TVP23A: variants seen among roughly 807,000 people sequenced by gnomAD.
The protein encoded by TVP23A is trans-golgi network vesicle protein 23 homolog A, also known as Golgi apparatus membrane protein TVP23 homolog A.
In TVP23A, 21 loss-of-function variants were observed where a neutral mutation model predicts 31.7. That is an observed-to-expected ratio of 0.66 (90% CI 0.47 to 0.95). TVP23A has a LOEUF of 0.95. TVP23A is among the 40% of genes least tolerant of loss of function. The pLI is 0.00. For missense variants in TVP23A, 279 were observed against 255.6 expected, an observed-to-expected ratio of 1.09 and a Z score of -0.62; for synonymous variants, 104 against 96.0, an observed-to-expected ratio of 1.08 and a Z score of -0.49.
chr16:10,786,916 G>A (rs1165266512), intron 2 of TVP23A, among the ~76,000 whole-genome samples: 1 of 151,452 alleles, frequency 6.6e-6, no homozygotes, highest in African/African-American at 2.4e-5. Context: ...TGGGTACCTA[G>A]ATGGCCCAGC....
In TVP23A at chr16:10,818,056, A is replaced by T. The variant is rs75237101; in HGVS notation, c.89+47T>A. The T allele has an allele frequency of 6.8e-3, 10,142 of 1,486,898 alleles. 576 individuals are homozygous for T. In the African/African-American group the frequency reaches 0.12, roughly 18 times the overall value. 92.1% of individuals were successfully genotyped at this position (1,486,898 alleles called of 1,614,324 possible). ...AATGAATGAGTGAGTAAATGAATGA[A>T]TTTGCAGCTTTGGGGAACGCCTGAC... On this transcript the variant is annotated intron_variant, in intron 2 of 7. Coordinates refer to ENST00000299866, the MANE Select transcript of TVP23A (RefSeq NM_001079512.4). The surrounding 1 kb of genome is among the most constrained non-coding windows in gnomAD (Gnocchi z 4.7).
chr16:10,809,787 G>T (rs4780998), intron 2 of TVP23A, among the ~76,000 whole-genome samples: 1 of 152,018 alleles, frequency 6.6e-6, no homozygotes, highest in African/African-American at 2.4e-5. Flanking sequence ...GCATCCCAAG[G>T]CAGCTGGAAA....
chr16:10,818,267 C>G lies in TVP23A; in HGVS notation c.10-85G>C. 1 of 1,147,700 alleles carries G rather than the reference C, an allele frequency of 8.7e-7. No homozygotes were observed. The highest frequency in any genetic ancestry group is 2.1e-5 in the Admixed American group (1 of 47,590). The allele number at this position is 1,147,700 out of a possible 1,614,324, so 71.1% of individuals were successfully genotyped here. ...CGCCCTGTCCTCCTGGGCTTGGACT[C>G]CACTTGCACCCCACCGGGTTCCCAA... On this transcript the variant is annotated intron_variant, in intron 1 of 7. Transcript: ENST00000299866. The surrounding 1 kb of genome is among the most constrained non-coding windows in gnomAD (Gnocchi z 4.7).
intron 2 of TVP23A, among the ~76,000 whole-genome samples, chr16:10,781,138 G>A (rs2032396939): frequency 6.6e-6 from 1 of 151,964 alleles, no homozygotes; most frequent in South Asian, 2.1e-4. Context: ...AGACCAGCCT[G>A]GACAACATGA....
At chr16:10,783,561 A>T (rs7190242) in intron 2 of TVP23A, among the ~76,000 whole-genome samples, 5,906 of 152,192 alleles carry the variant, frequency 0.039, 367 homozygotes, top group African/African-American at 0.14. Flanking sequence ...CTGTAGTCCC[A>T]GCTGCCGGAG....
At chr16:10,803,065 C>G (rs1049321533) in intron 2 of TVP23A, among the ~76,000 whole-genome samples, 3 of 152,156 alleles carry the variant, frequency 2.0e-5, no homozygotes, top group Non-Finnish European at 4.4e-5. Flanking sequence ...GGATGGATCA[C>G]CTGAGGTCAG....
Position 10,818,358 on chromosome 16 carries a change from C to T in TVP23A, c.9+127G>A, listed in dbSNP as rs990995681. ...CAGTGCAAAGCCCTCTCCACCCTCC[C>T]GACCACCGGGTGCAGCCCAGCCCCA... On this transcript the variant is annotated intron_variant, in intron 1 of 7. Coordinates refer to ENST00000299866, the MANE Select transcript of TVP23A (RefSeq NM_001079512.4). The surrounding 1 kb of genome is among the most constrained non-coding windows in gnomAD (Gnocchi z 4.7). 1.4e-6 allele frequency: 2 copies of T among 1,443,128 alleles called. No individual in the cohort carries two copies. Among genetic ancestry groups the T allele is most frequent in the Admixed American group, 2.0e-5 (1 of 50,184 alleles). The allele number at this position is 1,443,128 out of a possible 1,614,324, so 89.4% of individuals were successfully genotyped here.
intron 2 of TVP23A, among the ~76,000 whole-genome samples, chr16:10,812,100 T>C (rs370547261): frequency 1.2e-4 from 19 of 152,038 alleles, no homozygotes; most frequent in African/African-American, 4.1e-4. Context: ...GAGACTTGAA[T>C]AGACATTTCT....
intron 2 of TVP23A, among the ~76,000 whole-genome samples, chr16:10,790,426 A>C (rs1256703412): frequency 6.6e-6 from 1 of 151,832 alleles, no homozygotes; most frequent in Non-Finnish European, 1.5e-5. Flanking sequence ...CTGGGACTAC[A>C]GGCGCCCGCC....
downstream of TVP23A, among the ~76,000 whole-genome samples, chr16:10,765,362 C>G (rs569664611): frequency 1.3e-5 from 2 of 148,344 alleles, no homozygotes; most frequent in African/African-American, 4.9e-5. This position sits in a 1 kb window ranked among gnomAD's most constrained non-coding sequence, Gnocchi z 4.0. Flanking sequence ...AAAAAATTCA[C>G]CCAGTGTGGT....
chr16:10,788,972 C>T (rs2032936562), intron 2 of TVP23A, among the ~76,000 whole-genome samples: 1 of 152,152 alleles, frequency 6.6e-6, no homozygotes, highest in Non-Finnish European at 1.5e-5. Context: ...CCTCTTGTGG[C>T]TTTCCACAAC....
At position 10,777,952 on chromosome 16, in the gene TVP23A, A is replaced by G. The variant is rs577197230; in HGVS notation, c.90-2856T>C. Among the ~76,000 whole-genome samples the G allele has an allele frequency of 1.3e-5, 2 of 152,094 alleles. No individual in the cohort carries two copies. Among genetic ancestry groups the G allele is most frequent in the Non-Finnish European group, 2.9e-5 (2 of 68,026 alleles). ...CTTGAATCTGGGAGGCGGAGGTTGC[A>G]GTGAGTTGAGATCGTACTACTGCAC... is the stretch of plus-strand genomic sequence containing the variant. On this transcript the variant is annotated intron_variant, in intron 2 of 7. Coordinates refer to ENST00000299866, the MANE Select transcript of TVP23A (RefSeq NM_001079512.4). This position sits in a 1 kb window ranked among gnomAD's most constrained non-coding sequence, Gnocchi z 4.5.
Position 10,768,811 on chromosome 16 carries a change from A to C in TVP23A, c.*291T>G. ...AGGGTAAGGAAACAGCATTCCCAGAATCCTCCATCTATAGATGGTCCGAGG... is the reference window on the plus strand; with the variant it reads ...AGGGTAAGGAAACAGCATTCCCAGACTCCTCCATCTATAGATGGTCCGAGG... On this transcript the variant is annotated 3_prime_UTR_variant, in exon 8 of 8. Transcript: ENST00000299866. The surrounding 1 kb of genome is among the most constrained non-coding windows in gnomAD (Gnocchi z 4.3). The C allele has an allele frequency of 4.6e-6, 2 of 434,380 alleles. No individual in the cohort carries two copies. Among genetic ancestry groups the C allele is most frequent in the Non-Finnish European group, 8.1e-6 (2 of 245,478 alleles). 26.9% of individuals were successfully genotyped at this position (434,380 alleles called of 1,614,324 possible). A position where few individuals can be genotyped will look rare whatever the true frequency, so the allele number is the denominator to read the frequency against.
intron 2 of TVP23A, among the ~76,000 whole-genome samples, chr16:10,780,477 C>G (rs947843808): frequency 3.3e-5 from 5 of 152,180 alleles, no homozygotes; most frequent in Non-Finnish European, 7.3e-5. Context: ...CACTGGCTCT[C>G]TCAGCTTTTA....
rs1213251883 is a variant in TVP23A at position 10,766,807 on chromosome 16, AC to A, written c.*2294del. On this transcript the variant is annotated 3_prime_UTR_variant, in exon 8 of 8. Coordinates refer to ENST00000299866, the MANE Select transcript of TVP23A (RefSeq NM_001079512.4). The surrounding 1 kb of genome is among the most constrained non-coding windows in gnomAD (Gnocchi z 4.8). ...TGTTTAAATACCCTCTACTTGAGGT[AC>A]GCCCTATATAAACGAAAAGGATGAA... is the stretch of plus-strand genomic sequence containing the variant. The A allele has an allele frequency of 7.5e-6, 3 of 397,436 alleles. No individual in the cohort carries two copies. The Admixed American group carries it at 1.3e-4, about 18-fold the overall frequency. 24.6% of individuals were successfully genotyped at this position (397,436 alleles called of 1,614,324 possible).
intron 2 of TVP23A, 80 bp from the exon 3 acceptor site, chr16:10,775,176 T>C: frequency 6.6e-7 from 1 of 1,519,740 alleles, no homozygotes; most frequent in Non-Finnish European, 8.8e-7. Context: ...CTTCAGACTT[T>C]GCTGGGGGTG....
Position 10,768,277 on chromosome 16 carries a change from G to T in TVP23A, c.*825C>A. On this transcript the variant is annotated 3_prime_UTR_variant, in exon 8 of 8. Coordinates refer to ENST00000299866, the MANE Select transcript of TVP23A (RefSeq NM_001079512.4). The surrounding 1 kb of genome is among the most constrained non-coding windows in gnomAD (Gnocchi z 4.3). ...CTTAGGAAATACATCCCAATAAAGGGATAAAGTAATTCATTTTTAAAAGTA... is the reference window on the plus strand; with the variant it reads ...CTTAGGAAATACATCCCAATAAAGGTATAAAGTAATTCATTTTTAAAAGTA... 2.8e-5 allele frequency: 8 copies of T among 282,226 alleles called. No homozygotes were observed. The highest frequency in any genetic ancestry group is 6.3e-5 in the East Asian group (1 of 15,836). 17.5% of individuals were successfully genotyped at this position (282,226 alleles called of 1,614,324 possible).
intron 2 of TVP23A, among the ~76,000 whole-genome samples, chr16:10,805,888 A>C (rs898664940): frequency 3.9e-5 from 6 of 152,116 alleles, no homozygotes; most frequent in African/African-American, 1.4e-4. Flanking sequence ...AGTGGTTCTC[A>C]AAGAGGTGGG....
At chr16:10,800,763 C>T (rs188324600) in intron 2 of TVP23A, among the ~76,000 whole-genome samples, 11 of 152,266 alleles carry the variant, frequency 7.2e-5, no homozygotes, top group Non-Finnish European at 1.3e-4. Context: ...GTGGTTGGAT[C>T]GCTTGAGCTC....
Sources: gnomAD v4.1 joint callset for allele counts (sites outside exome capture counted in the v4.1 genomes callset) on GRCh38, gnomAD v4.1.1 for gene constraint, Gnocchi (gnomAD v3.1) non-coding constraint, MANE v1.5 for transcripts, NCBI Gene and HGNC (gene_info 2026-07-23, HGNC 2026-07-21) for gene names.